Variants in ZNF527 observed in about 807,000 individuals in gnomAD.
ZNF527 encodes zinc finger protein 527.
In ZNF527, 5 loss-of-function variants were observed where a neutral mutation model predicts 13.5. The ratio of observed to expected loss-of-function variants is 0.37; its 90% confidence interval spans 0.19 to 0.78. ZNF527 has a LOEUF of 0.78. Ranked by LOEUF, ZNF527 falls within the 30% of genes least tolerant of loss-of-function variation. The pLI, the probability that ZNF527 is intolerant of heterozygous loss-of-function variation, is 0.48. For missense variants in ZNF527, 628 were observed against 726.4 expected, an observed-to-expected ratio of 0.86 and a Z score of 1.56; for synonymous variants, 209 against 243.1, an observed-to-expected ratio of 0.86 and a Z score of 1.30.
At chr19:37,387,928 T>C (rs531287444) in intron 4 of ZNF527, among the ~76,000 whole-genome samples, 3 of 152,304 alleles carry the variant, frequency 2.0e-5, no homozygotes, top group African/African-American at 4.8e-5. Context: ...CTTTCAGTCT[T>C]ATGAATACCA....
At chr19:37,381,328 A>G (rs1440030220) in intron 4 of ZNF527, among the ~76,000 whole-genome samples, 2 of 152,142 alleles carry the variant, frequency 1.3e-5, no homozygotes, top group African/African-American at 2.4e-5. Context: ...TATCCACTTC[A>G]TCTTCTTGGA....
intron 1 of ZNF527, among the ~76,000 whole-genome samples, chr19:37,372,561 C>T (rs1315008910): frequency 6.8e-6 from 1 of 147,330 alleles, no homozygotes; most frequent in East Asian, 2.0e-4. Flanking sequence ...CACCCTCTAC[C>T]TCCTGGGTTC....
At chr19:37,379,348 T>G in intron 3 of ZNF527, 102 bp downstream of exon 3, 1 of 1,157,174 alleles carries the variant, frequency 8.6e-7, no homozygotes, top group Non-Finnish European at 1.2e-6. Flanking sequence ...TTAAAAGCAC[T>G]TACTTGCCTT....
Position 37,388,652 on chromosome 19 carries a change from C to A in ZNF527, c.603C>A (p.Pro201=). ...TTGATATTTATGATAAACTCTTCCC[C>A]CAAAATTCAGTCATAATTGAATATA... is the stretch of plus-strand genomic sequence containing the variant. ...HKFDIYDKLF[P]QNSVIIEYKR... Residue 201 remains proline (P), a synonymous_variant, in exon 5 of 5, where the codon CCC becomes CCA. Coordinates refer to ENST00000436120, the MANE Select transcript of ZNF527 (RefSeq NM_032453.2). 1 of 1,613,212 alleles carries A rather than the reference C, an allele frequency of 6.2e-7. No individual in the cohort carries two copies. Among genetic ancestry groups the A allele is most frequent in the South Asian group, 1.1e-5 (1 of 90,772 alleles).
intron 4 of ZNF527, chr19:37,385,189 T>G: frequency 2.1e-6 from 1 of 467,900 alleles, no homozygotes; most frequent in South Asian, 5.2e-5. Context: ...TTATTCATTT[T>G]TCTATGATAT....
chr19:37,376,399 GGCTCAT>G (rs1163031410), intron 2 of ZNF527, among the ~76,000 whole-genome samples: 10 of 151,830 alleles, frequency 6.6e-5, no homozygotes, highest in African/African-American at 2.4e-4. Context: ...TAGGTGCAGT[GGCTCAT>G]GCTCATGCCT....
intron 1 of ZNF527, among the ~76,000 whole-genome samples, 184 bp from the exon 2 acceptor site, chr19:37,373,974 A>G (rs1036288479): frequency 6.6e-6 from 1 of 151,954 alleles, no homozygotes; most frequent in African/African-American, 2.4e-5. Flanking sequence ...TCCTTAATAT[A>G]TAAGTCAAGA....
At chr19:37,374,332 C>G (rs1396421801) in intron 2 of ZNF527, 101 bp downstream of exon 2, 1 of 1,033,958 alleles carries the variant, frequency 9.7e-7, no homozygotes, top group Non-Finnish European at 1.5e-6. Flanking sequence ...GCACCCCTTC[C>G]ACTTCTCTCT....
chr19:37,388,992 T>C lies in ZNF527; in HGVS notation c.943T>C (p.Phe315Leu), dbSNP rs2040726485. The C allele has an allele frequency of 6.2e-7, 1 of 1,614,198 alleles. No individual in the cohort carries two copies. Among genetic ancestry groups the C allele is most frequent in the Non-Finnish European group, 8.5e-7 (1 of 1,180,024 alleles). The change falls in exon 5 of 5, where the codon TTC becomes CTC. Residue 315 changes from phenylalanine to leucine, a missense_variant. Physicochemically the swap from Phe to Leu is conservative, Grantham distance 22. Transcript: ENST00000436120. ...NDCGKAFSHD[F>L]FLSEHQRTHI... ...CTGTGGAAAAGCCTTTAGCCACGAC[T>C]TCTTTCTCAGTGAACATCAAAGAAC...
rs61748339 is a variant in ZNF527 at position 37,389,431 on chromosome 19, A to G, written c.1382A>G (p.Gln461Arg). ...FGYRSHLNQH[Q>R]RIHTGEKPYE... is the part of the protein sequence containing the mutation. ...TATCGCTCACACCTGAATCAACATC[A>G]GAGAATTCATACCGGAGAAAAGCCC... The change falls in exon 5 of 5, where the codon CAG (glutamine) becomes CGG (arginine). Residue 461 changes from glutamine (Q) to arginine (R), a missense_variant. Physicochemically the swap from Gln to Arg is conservative, Grantham distance 43. This residue lies in a region of ZNF527 where 592 missense variants were observed against 678.0 expected (regional missense o/e 0.87). Coordinates refer to ENST00000436120, the MANE Select transcript of ZNF527 (RefSeq NM_032453.2). 1.8e-5 allele frequency: 29 copies of G among 1,614,116 alleles called. No individual in the cohort carries two copies. In the Admixed American group the frequency reaches 2.2e-4, roughly 12 times the overall value.
chr19:37,374,463 G>A (rs713256), intron 2 of ZNF527, among the ~76,000 whole-genome samples: 31,579 of 152,076 alleles, frequency 0.21, 3,507 homozygotes, highest in South Asian at 0.31. Flanking sequence ...TTGTTGAGTC[G>A]GCAATGAGTG....
chr19:37,378,677 T>G (rs1162917230), intron 2 of ZNF527, among the ~76,000 whole-genome samples: 2 of 152,228 alleles, frequency 1.3e-5, no homozygotes, highest in Non-Finnish European at 2.9e-5. Context: ...CATTATTTCT[T>G]CAGGATATGT....
At chr19:37,377,631 T>C (rs2040619013) in intron 2 of ZNF527, among the ~76,000 whole-genome samples, 1 of 152,214 alleles carries the variant, frequency 6.6e-6, no homozygotes, top group African/African-American at 2.4e-5. Flanking sequence ...TAAAGGATCA[T>C]GCTGTACTCT....
At chr19:37,371,498 T>C (rs1467431710) in intron 1 of ZNF527, among the ~76,000 whole-genome samples, 1 of 152,194 alleles carries the variant, frequency 6.6e-6, no homozygotes, top group African/African-American at 2.4e-5. Flanking sequence ...TGTGTGACTG[T>C]CTCTGCAGGT....
intron 4 of ZNF527, among the ~76,000 whole-genome samples, chr19:37,384,602 G>GT (rs570441744): frequency 5.8e-4 from 88 of 152,150 alleles, no homozygotes; most frequent in Non-Finnish European, 9.8e-4. Flanking sequence ...GGAAGTGATT[G>GT]TATCAGTTTA....
chr19:37,388,878 G>C lies in ZNF527; in HGVS notation c.829G>C (p.Asp277His). ...THFGKLPHGYDECGDAFSCYS... is the reference protein window; with the variant it reads ...THFGKLPHGYHECGDAFSCYS... ...TTTTGGAAAATTACCCCATGGATAC[G>C]ATGAATGTGGTGATGCCTTTAGCTG... Residue 277 changes from aspartate (D) to histidine (H), a missense_variant, in exon 5 of 5, where the codon GAT (aspartate) becomes CAT (histidine). Transcript: ENST00000436120. 6.2e-7 allele frequency: 1 copy of C among 1,614,144 alleles called. No individual in the cohort carries two copies.
Position 37,389,493 on chromosome 19 carries a change from G to C in ZNF527, c.1444G>C (p.Asp482His), listed in dbSNP as rs769241244. The part of the protein sequence containing the change: ...CIKCGKFFRT[D>H]SQLNRHHRIH... ...CAAATGTGGGAAGTTTTTTAGGACT[G>C]ACTCACAACTTAATCGACATCATAG... The change falls in exon 5 of 5, where the codon GAC (aspartate) becomes CAC (histidine). Residue 482 changes from aspartate to histidine, a missense_variant. Asp to His is a moderately conservative substitution (Grantham distance 81). Coordinates refer to ENST00000436120, the MANE Select transcript of ZNF527 (RefSeq NM_032453.2). 6.2e-7 allele frequency: 1 copy of C among 1,613,848 alleles called. No individual in the cohort carries two copies. Among genetic ancestry groups the C allele is most frequent in the South Asian group, 1.1e-5 (1 of 91,044 alleles).
chr19:37,375,168 G>A (rs2040588576), intron 2 of ZNF527, among the ~76,000 whole-genome samples: 1 of 152,034 alleles, frequency 6.6e-6, no homozygotes, highest in Non-Finnish European at 1.5e-5. Flanking sequence ...AGACCTTTTG[G>A]ATATCCAAAT....
At chr19:37,382,800 G>A (rs1358282176) in intron 4 of ZNF527, among the ~76,000 whole-genome samples, 3 of 151,970 alleles carry the variant, frequency 2.0e-5, no homozygotes, top group Non-Finnish European at 2.9e-5. Context: ...TCCGCCTCCC[G>A]GGTTCAAGTG....
Sources: allele counts gnomAD v4.1 joint callset (sites outside exome capture counted in the v4.1 genomes callset), GRCh38; gene constraint gnomAD v4.1.1; regional missense constraint gnomAD v4.1.1; transcripts MANE v1.5; gene names NCBI Gene and HGNC (gene_info 2026-07-23, HGNC 2026-07-21).